Variants in DYNC2H1 observed in about 807,000 individuals in gnomAD.
DYNC2H1 encodes the protein cytoplasmic dynein 2 heavy chain 1.
In DYNC2H1, 410 loss-of-function variants were observed where a neutral mutation model predicts 570.0. The observed-to-expected ratio is 0.72, with a 90% CI of 0.66 to 0.78. The LOEUF is 0.78. DYNC2H1 is among the 30% of genes least tolerant of loss of function. The pLI, the probability that DYNC2H1 is intolerant of heterozygous loss-of-function variation, is 0.00. For synonymous variants in DYNC2H1, 1,688 were observed against 1,677.6 expected, an observed-to-expected ratio of 1.01 and a Z score of -0.15; for missense variants, 4,865 against 5,046.4, an observed-to-expected ratio of 0.96 and a Z score of 1.09.
At chr11:103,335,478 G>GGGGGAAGACATA (rs111562901) in intron 82 of DYNC2H1, among the ~76,000 whole-genome samples, 12,200 of 151,786 alleles carry the variant, frequency 0.08, 1,063 homozygotes, top group African/African-American at 0.2. Context: ...ATGTTTGGTT[G>GGGGGAAGACATA]GCTTCTGGCC....
At chr11:103,221,308 G>C (rs560958770) in intron 57 of DYNC2H1, among the ~76,000 whole-genome samples, 1 of 152,288 alleles carries the variant, frequency 6.6e-6, no homozygotes, top group Non-Finnish European at 1.5e-5. Flanking sequence ...CCGATATTAA[G>C]TTCCTTGTCA....
At chr11:103,337,934 T>G (rs1049077357) in intron 82 of DYNC2H1, among the ~76,000 whole-genome samples, 1 of 152,360 alleles carries the variant, frequency 6.6e-6, no homozygotes, top group East Asian at 1.9e-4. Context: ...TTTGAAGTCT[T>G]ATTCAAGAAA....
intron 73 of DYNC2H1, among the ~76,000 whole-genome samples, chr11:103,284,023 A>AC (rs1555089428): frequency 2.1e-3 from 321 of 152,208 alleles, no homozygotes; most frequent in Non-Finnish European, 3.8e-3. Flanking sequence ...TACTTTTAAC[A>AC]GAACCCTGCA....
intron 11 of DYNC2H1, 51 bp from the exon 12 acceptor site, chr11:103,125,049 T>A: frequency 1.4e-6 from 2 of 1,437,180 alleles, no homozygotes; most frequent in Admixed American, 4.0e-5. Context: ...TGTTTATTAG[T>A]CAAAACAGTG....
At position 103,289,415 on chromosome 11, in the gene DYNC2H1, A is replaced by G. The variant is rs1277028807; in HGVS notation, c.11095+1810A>G. Among the ~76,000 whole-genome samples the G allele has an allele frequency of 1.3e-5, 2 of 152,188 alleles. No homozygotes were observed. The highest frequency in any genetic ancestry group is 2.9e-5 in the Non-Finnish European group (2 of 68,032). On this transcript the variant is annotated intron_variant, in intron 75 of 88. Coordinates refer to ENST00000375735, the MANE Select transcript of DYNC2H1 (RefSeq NM_001377.3). The surrounding 1 kb of genome is among the most constrained non-coding windows in gnomAD (Gnocchi z 4.2). ...AATGAACAAGGTCAGCTTAAAGGCT[A>G]GAAGCAAGATGGAGTCGGTTAGGTC...
chr11:103,167,133 A>G (rs1481469628), intron 31 of DYNC2H1, among the ~76,000 whole-genome samples: 1 of 150,716 alleles, frequency 6.6e-6, no homozygotes, highest in Non-Finnish European at 1.5e-5. Context: ...AGAATTTTTC[A>G]GCTTTAAAAT....
At chr11:103,173,933 T>G (rs1466131817) in intron 35 of DYNC2H1, 122 bp from the exon 36 acceptor site, 3 of 669,108 alleles carry the variant, frequency 4.5e-6, no homozygotes, top group Non-Finnish European at 7.5e-6. Context: ...CTTATATAAA[T>G]TAATGGGATA....
At position 103,411,145 on chromosome 11, in the gene DYNC2H1, G is replaced by C. The variant is rs148306523; in HGVS notation, c.12366+11273G>C. ...AACTGCATAAATACTTCAGCGTAAAGTTAATTAGAATATGAGGAAAGAAGA... is the reference window on the plus strand; with the variant it reads ...AACTGCATAAATACTTCAGCGTAAACTTAATTAGAATATGAGGAAAGAAGA... On this transcript the variant is annotated intron_variant, in intron 84 of 88. Transcript: ENST00000375735. 3.5e-3 allele frequency among the ~76,000 whole-genome samples: 536 copies of C among 152,204 alleles called. 4 individuals are homozygous for C. Among genetic ancestry groups the C allele is most frequent in the African/African-American group, 0.012 (512 of 41,546 alleles).
At chr11:103,405,165 A>T (rs183549541) in intron 84 of DYNC2H1, 1 of 151,898 alleles carries the variant, frequency 6.6e-6, no homozygotes, top group African/African-American at 2.4e-5. Context: ...TTGATACAAG[A>T]TAGGGTTGCC....
intron 75 of DYNC2H1, 187 bp downstream of exon 75, chr11:103,287,792 T>G: frequency 1.8e-6 from 1 of 546,016 alleles, no homozygotes; most frequent in South Asian, 3.1e-5. Context: ...TGGCTCATTC[T>G]GTAACTGCCC....
chr11:103,423,767 T>A (rs1943575234), intron 84 of DYNC2H1, among the ~76,000 whole-genome samples: 1 of 151,682 alleles, frequency 6.6e-6, no homozygotes, highest in African/African-American at 2.4e-5. Context: ...CAAAAAAAAA[T>A]TGTATAGATA....
chr11:103,431,796 G>C (rs1943902235), intron 84 of DYNC2H1, among the ~76,000 whole-genome samples: 1 of 152,086 alleles, frequency 6.6e-6, no homozygotes, highest in Non-Finnish European at 1.5e-5. Flanking sequence ...TAGTCAGCTG[G>C]GGAGAGGTCA....
At chr11:103,310,341 C>G (rs923493681) in intron 78 of DYNC2H1, among the ~76,000 whole-genome samples, 4 of 151,902 alleles carry the variant, frequency 2.6e-5, no homozygotes, top group African/African-American at 7.3e-5. Flanking sequence ...TGAAATTGTT[C>G]TAAGTCTGAA....
At chr11:103,364,209 A>G (rs950927269) in intron 83 of DYNC2H1, among the ~76,000 whole-genome samples, 6 of 152,198 alleles carry the variant, frequency 3.9e-5, no homozygotes, top group African/African-American at 1.4e-4. Context: ...TAACTTCAGT[A>G]GATTCTAAGA....
At position 103,199,433 on chromosome 11, in the gene DYNC2H1, C is replaced by G. The variant is rs1862631166; in HGVS notation, c.8045C>G (p.Ser2682Cys). 1 of 1,611,440 alleles carries G rather than the reference C, an allele frequency of 6.2e-7. No individual in the cohort carries two copies. The highest frequency in any genetic ancestry group is 1.3e-5 in the African/African-American group (1 of 74,942). Residue 2682 changes from serine (S) to cysteine (C), a missense_variant, in exon 49 of 89, where the codon TCC becomes TGC. Around this residue, in one of 5 missense-constraint regions of DYNC2H1, gnomAD observed 2,401 missense variants for 2,454.6 expected, o/e 0.98. Coordinates refer to ENST00000375735, the MANE Select transcript of DYNC2H1 (RefSeq NM_001377.3). The surrounding 1 kb of genome is among the most constrained non-coding windows in gnomAD (Gnocchi z 4.6). ...GCGGTCCTGTTTTCTCCAAAGATTT[C>G]CAGAGGATATGAACTGAAGCAGTTC... ...HGAVLFSPKI[S>C]RGYELKQFKN...
chr11:103,413,287 AGG>A (rs1943156146), intron 84 of DYNC2H1, among the ~76,000 whole-genome samples: 3 of 152,326 alleles, frequency 2.0e-5, no homozygotes, highest in Middle Eastern at 3.4e-3. Flanking sequence ...ATTAGTTCTT[AGG>A]AAAGTTCTAC....
chr11:103,294,109 C>T (rs748070789), intron 75 of DYNC2H1, among the ~76,000 whole-genome samples: 8 of 152,260 alleles, frequency 5.3e-5, no homozygotes, highest in Non-Finnish European at 1.2e-4. Context: ...CTGATTAATT[C>T]TCTGTGTTAT....
chr11:103,284,139 G>A (rs931008016), intron 73 of DYNC2H1, among the ~76,000 whole-genome samples: 1 of 151,962 alleles, frequency 6.6e-6, no homozygotes, highest in Non-Finnish European at 1.5e-5. Flanking sequence ...GATGACTTCG[G>A]CCTGTCTTCA....
At chr11:103,226,505 G>T (rs1863807147) in intron 59 of DYNC2H1, among the ~76,000 whole-genome samples, 1 of 152,126 alleles carries the variant, frequency 6.6e-6, no homozygotes, top group South Asian at 2.1e-4. Flanking sequence ...CTGTTTATGT[G>T]GTGTATCACA....
Sources: allele counts gnomAD v4.1 joint callset (sites outside exome capture counted in the v4.1 genomes callset), GRCh38; gene constraint gnomAD v4.1.1; regional missense constraint gnomAD v4.1.1; non-coding constraint Gnocchi (gnomAD v3.1); transcripts MANE v1.5; gene names NCBI Gene and HGNC (gene_info 2026-07-23, HGNC 2026-07-21).